Variants in LRRC59 observed in about 807,000 individuals in gnomAD.
LRRC59 encodes leucine-rich repeat-containing protein 59.
A neutral mutation model predicts 33.5 loss-of-function variants in LRRC59; 18 were observed. The observed-to-expected ratio is 0.54, with a 90% CI of 0.37 to 0.80. The LOEUF (loss-of-function observed/expected upper bound fraction) is 0.80, where lower values mean the gene tolerates loss of function less well. Ranked by LOEUF, LRRC59 falls within the 30% of genes least tolerant of loss-of-function variation. The pLI is 0.00. For missense variants in LRRC59, 330 were observed against 391.9 expected (o/e 0.84, Z 1.33); for synonymous variants, 138 against 160.0 (o/e 0.86, Z 1.04).
At position 50,392,728 on chromosome 17, in the gene LRRC59, T is replaced by A. The variant is rs372181903; in HGVS notation, c.324+11A>T. On this transcript the variant is annotated intron_variant, in intron 3 of 6. Transcript: ENST00000225972. ...ACCCTGGCCATGAAACACTGGTTCA[T>A]GAATTGTTACCTTGAGCTGAGCAAA... 514 of 1,612,820 alleles carry A rather than the reference T, an allele frequency of 3.2e-4. 1 individual carries two copies. The highest frequency in any genetic ancestry group is 4.2e-4 in the Non-Finnish European group (493 of 1,179,008).
intron 1 of LRRC59, among the ~76,000 whole-genome samples, chr17:50,395,544 A>C (rs923851815): frequency 1.3e-5 from 2 of 152,204 alleles, no homozygotes; most frequent in Non-Finnish European, 2.9e-5. Flanking sequence ...CCTTCCTCAG[A>C]ACAGGTACTC....
In LRRC59 at chr17:50,392,892, A is replaced by G. The variant is rs747943058; in HGVS notation, c.171T>C (p.Asp57=). The change falls in exon 3 of 7, where the codon GAT becomes GAC. Residue 57 remains aspartate (D), a synonymous_variant. Transcript: ENST00000225972. The stretch of plus-strand genomic sequence containing the variant: ...TCACCAGGTGTGTGAGGCCACAGAA[A>G]TCCGACTAGGATCCAAAGAGAGAAC... ...SCNKLTTLPS[D]FCGLTHLVKL... is the part of the protein sequence containing the mutation. 2.5e-6 allele frequency: 4 copies of G among 1,613,022 alleles called. No individual in the cohort carries two copies. The highest frequency in any genetic ancestry group is 3.4e-6 in the Non-Finnish European group (4 of 1,179,000).
chr17:50,392,589 G>A, intron 3 of LRRC59, 87 bp from the exon 4 acceptor site: 1 of 1,447,690 alleles, frequency 6.9e-7, no homozygotes, highest in Non-Finnish European at 9.7e-7. Context: ...TGAGCAGGAA[G>A]AATGCCCCTC....
intron 5 of LRRC59, among the ~76,000 whole-genome samples, chr17:50,386,513 A>G (rs1395565558): frequency 6.6e-6 from 1 of 152,232 alleles, no homozygotes; most frequent in Non-Finnish European, 1.5e-5. Flanking sequence ...GTAGCTGAAT[A>G]GTACTACTGT....
intron 4 of LRRC59, among the ~76,000 whole-genome samples, chr17:50,389,491 G>A (rs1914090389): frequency 1.3e-5 from 2 of 152,080 alleles, no homozygotes; most frequent in African/African-American, 2.4e-5. Flanking sequence ...GTGTTGTGAA[G>A]AATAAATAAT....
At chr17:50,383,975 G>A (rs1913940408) in intron 6 of LRRC59, among the ~76,000 whole-genome samples, 1 of 150,358 alleles carries the variant, frequency 6.7e-6, no homozygotes, top group South Asian at 2.1e-4. Flanking sequence ...GGAGGCCTGT[G>A]GCCCTGTCCT....
At chr17:50,384,696 C>G (rs1001135661) in intron 6 of LRRC59, among the ~76,000 whole-genome samples, 1 of 148,962 alleles carries the variant, frequency 6.7e-6, no homozygotes, top group South Asian at 2.1e-4. Context: ...ACCCAGGAGA[C>G]GGAGGTTGCA....
chr17:50,396,021 G>A (rs1177647145), intron 1 of LRRC59: 2 of 152,208 alleles, frequency 1.3e-5, no homozygotes, highest in African/African-American at 4.8e-5. Flanking sequence ...TGGAGTATAT[G>A]GTTTCAGAGA....
In LRRC59 at chr17:50,381,318, G is replaced by A. The variant is rs1913829868; in HGVS notation, c.*1670C>T. 3 of 217,874 alleles carry A rather than the reference G, an allele frequency of 1.4e-5. No individual in the cohort carries two copies. The highest frequency in any genetic ancestry group is 6.8e-5 in the African/African-American group (3 of 44,002). The allele number at this position is 217,874 out of a possible 1,614,324, so 13.5% of individuals were successfully genotyped here. ...CTTGAAGTCGTGAGTGAAGCTGCGG[G>A]TTGGCTTGACTGGGCTCAGCCACTG... On this transcript the variant is annotated 3_prime_UTR_variant, in exon 7 of 7. Coordinates refer to ENST00000225972, the MANE Select transcript of LRRC59 (RefSeq NM_018509.4).
rs1159287508 is a variant in LRRC59 at position 50,382,482 on chromosome 17, T to G, written c.*506A>C. 1 of 156,346 alleles carries G rather than the reference T, an allele frequency of 6.4e-6. No homozygotes were observed. The highest frequency in any genetic ancestry group is 1.4e-5 in the Non-Finnish European group (1 of 70,424). The allele number at this position is 156,346 out of a possible 1,614,324, so 9.7% of individuals were successfully genotyped here. On this transcript the variant is annotated 3_prime_UTR_variant, in exon 7 of 7. Transcript: ENST00000225972. ...AGATTTTGTGTGGCTGCTAAAATGC[T>G]TACATCTCTGAGGTCCTAAAGAAAA...
At chr17:50,393,827 A>T (rs1376817604) in intron 2 of LRRC59, among the ~76,000 whole-genome samples, 3 of 152,198 alleles carry the variant, frequency 2.0e-5, no homozygotes, top group African/African-American at 4.8e-5. Flanking sequence ...GTACAGAAGG[A>T]GTGCGGCTGC....
rs766265066 is a variant in LRRC59, at chr17:50,397,348, G to A, written c.-31C>T. 3 of 1,569,944 alleles carry A rather than the reference G, an allele frequency of 1.9e-6. No homozygotes were observed. In the South Asian group the frequency reaches 3.4e-5, roughly 18 times the overall value. On this transcript the variant is annotated 5_prime_UTR_variant, in exon 1 of 7. Transcript: ENST00000225972. ...CGCCGGCTGAGCGGGCCCCGGCTCCGGGGTTCCGGCGGGTGAAAGGAGCTG... is the reference window on the plus strand; with the variant it reads ...CGCCGGCTGAGCGGGCCCCGGCTCCAGGGTTCCGGCGGGTGAAAGGAGCTG...
intron 2 of LRRC59, among the ~76,000 whole-genome samples, chr17:50,393,920 G>A (rs375712002): frequency 6.6e-6 from 1 of 152,148 alleles, no homozygotes; most frequent in Non-Finnish European, 1.5e-5. Flanking sequence ...CAAACTCCTG[G>A]GCTAAGTGAT....
At position 50,392,434 on chromosome 17, in the gene LRRC59, G is replaced by A. The variant is rs745975965; in HGVS notation, c.393C>T (p.Cys131=). 13 of 1,614,150 alleles carry A rather than the reference G, an allele frequency of 8.1e-6. No homozygotes were observed. The highest frequency in any genetic ancestry group is 1.0e-5 in the Non-Finnish European group (12 of 1,180,034). Reference sequence around the variant, plus strand: ...ACTGCTTACACTGCTTCTCATCCAAGCAGTCACCTGCCACCTTGGCCAGGA... The same window carrying A: ...ACTGCTTACACTGCTTCTCATCCAAACAGTCACCTGCCACCTTGGCCAGGA... ...DPVLAKVAGD[C]LDEKQCKQCA... is the part of the protein sequence containing the mutation. Residue 131 remains cysteine (C), a synonymous_variant, in exon 4 of 7, where the codon TGC becomes TGT. Coordinates refer to ENST00000225972, the MANE Select transcript of LRRC59 (RefSeq NM_018509.4).
intron 5 of LRRC59, 81 bp downstream of exon 5, chr17:50,387,979 G>T: frequency 7.2e-7 from 1 of 1,398,180 alleles, no homozygotes; most frequent in Non-Finnish European, 1.0e-6. Flanking sequence ...CTACTCTACT[G>T]GATCCCAGCT....
rs372966443 is a variant in LRRC59 at position 50,385,304 on chromosome 17, A to G, written c.503-13T>C. ...TTCTTCTCTGCCTCTACAACAAAAC[A>G]TACCAAAATTTGACTTCTCTCTCAC... On this transcript the variant is annotated splice_polypyrimidine_tract_variant and intron_variant, in intron 5 of 6. Transcript: ENST00000225972. The G allele has an allele frequency of 2.5e-6, 4 of 1,609,686 alleles. No homozygotes were observed. Among genetic ancestry groups the G allele is most frequent in the Non-Finnish European group, 2.5e-6 (3 of 1,178,116 alleles).
chr17:50,393,172 C>A (rs1914190898), intron 2 of LRRC59, among the ~76,000 whole-genome samples: 1 of 152,164 alleles, frequency 6.6e-6, no homozygotes, highest in Non-Finnish European at 1.5e-5. Flanking sequence ...CAGAGGTACC[C>A]CATGTAAAAA....
In LRRC59 at chr17:50,394,892, G is replaced by A. The variant is rs1914234690; in HGVS notation, c.165+37C>T. 9 of 1,443,136 alleles carry A rather than the reference G, an allele frequency of 6.2e-6. No individual in the cohort carries two copies. The Admixed American group carries it at 7.0e-5, about 11-fold the overall frequency. 89.4% of individuals were successfully genotyped at this position (1,443,136 alleles called of 1,614,324 possible). On this transcript the variant is annotated intron_variant, in intron 2 of 6. Transcript: ENST00000225972. ...CGAAACAGGAAGGAGATGCATCCAAGGCACCAGAAGGAGTCACGGCTGCAT... is the reference window on the plus strand; with the variant it reads ...CGAAACAGGAAGGAGATGCATCCAAAGCACCAGAAGGAGTCACGGCTGCAT...
intron 6 of LRRC59, 43 bp downstream of exon 6, chr17:50,385,075 C>T (rs1030180239): frequency 1.8e-5 from 29 of 1,599,112 alleles, no homozygotes; most frequent in Non-Finnish European, 2.5e-5. Context: ...TGAGTGTCTC[C>T]ACTGTACCCC....
Sources: gnomAD v4.1 joint callset for allele counts (sites outside exome capture counted in the v4.1 genomes callset) on GRCh38, gnomAD v4.1.1 for gene constraint, MANE v1.5 for transcripts, NCBI Gene and HGNC (gene_info 2026-07-23, HGNC 2026-07-21) for gene names.